Variants in EBF1 observed in about 807,000 individuals in gnomAD.
The protein encoded by EBF1 is transcription factor COE1.
In EBF1, 10 loss-of-function variants were observed where a neutral mutation model predicts 68.4. The observed-to-expected ratio is 0.15, with a 90% CI of 0.09 to 0.25. The LOEUF (loss-of-function observed/expected upper bound fraction) is 0.25, where lower values mean the gene tolerates loss of function less well. EBF1 is among the 10% of genes least tolerant of loss of function. The pLI is 1.00. For synonymous variants in EBF1, 298 were observed against 299.8 expected (o/e 0.99, Z 0.06); for missense variants, 509 against 794.4 (o/e 0.64, Z 4.32).
At chr5:158,727,196 C>A (rs747572670) in intron 11 of EBF1, among the ~76,000 whole-genome samples, 2 of 152,206 alleles carry the variant, frequency 1.3e-5, no homozygotes, top group Non-Finnish European at 2.9e-5. Flanking sequence ...TCACAGTAGG[C>A]ATGAAGTAAA....
intron 6 of EBF1, among the ~76,000 whole-genome samples, chr5:158,947,713 G>C (rs906811056): frequency 5.3e-5 from 8 of 152,200 alleles, no homozygotes; most frequent in Non-Finnish European, 7.3e-5. Context: ...GATTCAGGAG[G>C]AACACAGAGG....
At chr5:158,793,523 C>T (rs769160630) in intron 9 of EBF1, among the ~76,000 whole-genome samples, 3 of 152,106 alleles carry the variant, frequency 2.0e-5, no homozygotes, top group Admixed American at 6.5e-5. Flanking sequence ...ATTCTTCCCT[C>T]TCTCAAGATT....
At chr5:158,930,156 A>G (rs1001551974) in intron 6 of EBF1, among the ~76,000 whole-genome samples, 2 of 152,160 alleles carry the variant, frequency 1.3e-5, no homozygotes, top group Admixed American at 1.3e-4. Flanking sequence ...CAAGTTAGTC[A>G]GGTGTATCTG....
chr5:159,089,389 C>G (rs1290319505), intron 4 of EBF1, among the ~76,000 whole-genome samples: 1 of 152,078 alleles, frequency 6.6e-6, no homozygotes, highest in Non-Finnish European at 1.5e-5. Context: ...GCCTGAGTTG[C>G]CACTGTTTTG....
chr5:158,927,939 T>C (rs925358303), intron 6 of EBF1, among the ~76,000 whole-genome samples: 3 of 152,238 alleles, frequency 2.0e-5, no homozygotes, highest in African/African-American at 4.8e-5. Flanking sequence ...GCTAGAAATC[T>C]GCAGATCTAG....
intron 6 of EBF1, among the ~76,000 whole-genome samples, chr5:158,981,460 A>G (rs1757887586): frequency 6.6e-6 from 1 of 152,160 alleles, no homozygotes; most frequent in Non-Finnish European, 1.5e-5. Context: ...TACATTTTTC[A>G]TAAAATTGTG....
intron 11 of EBF1, 56 bp downstream of exon 11, chr5:158,731,009 GTTTT>G: frequency 2.0e-6 from 3 of 1,513,884 alleles, no homozygotes; most frequent in Non-Finnish European, 2.7e-6. Context: ...CAGCAGCAGA[GTTTT>G]CTGCAAATCG....
intron 6 of EBF1, among the ~76,000 whole-genome samples, chr5:159,060,563 C>T (rs1775590598): frequency 6.6e-6 from 1 of 152,058 alleles, no homozygotes; most frequent in African/African-American, 2.4e-5. Context: ...TTTTACGTGT[C>T]TTTTATCCTT....
chr5:158,945,812 G>A (rs1367079640), intron 6 of EBF1, among the ~76,000 whole-genome samples: 2 of 152,100 alleles, frequency 1.3e-5, no homozygotes, highest in Non-Finnish European at 2.9e-5. Flanking sequence ...TCACTTTCAG[G>A]TACACCAATC....
intron 6 of EBF1, among the ~76,000 whole-genome samples, chr5:159,009,813 T>C (rs1207098419): frequency 1.3e-5 from 2 of 151,416 alleles, no homozygotes; most frequent in Admixed American, 1.3e-4. Context: ...GATGATATAG[T>C]ACGTGATATT....
chr5:159,092,270 A>T (rs1781784950), intron 4 of EBF1, among the ~76,000 whole-genome samples: 1 of 152,232 alleles, frequency 6.6e-6, no homozygotes, highest in Admixed American at 6.5e-5. Context: ...ACACGAAAAC[A>T]AACTATTTTT....
At chr5:158,833,279 C>G (rs1787999920) in intron 7 of EBF1, among the ~76,000 whole-genome samples, 1 of 141,270 alleles carries the variant, frequency 7.1e-6, no homozygotes, top group Non-Finnish European at 1.5e-5. Flanking sequence ...AGCCTGGCAA[C>G]AGAGCCAGAC....
At chr5:158,827,828 C>A (rs1441732640) in intron 7 of EBF1, among the ~76,000 whole-genome samples, 6 of 152,158 alleles carry the variant, frequency 3.9e-5, no homozygotes, top group African/African-American at 1.4e-4. Flanking sequence ...TTAAGCATTT[C>A]TCCAACAAAC....
intron 6 of EBF1, among the ~76,000 whole-genome samples, chr5:158,929,476 A>G (rs1205207780): frequency 1.3e-5 from 2 of 152,218 alleles, no homozygotes; most frequent in Admixed American, 6.5e-5. Context: ...GTACTTCTGA[A>G]CAAACTATAT....
chr5:159,050,985 GC>G (rs1458903320), intron 6 of EBF1, among the ~76,000 whole-genome samples: 1 of 152,144 alleles, frequency 6.6e-6, no homozygotes. Context: ...TGAACACCAG[GC>G]CCCAGGGTTT....
At chr5:158,712,901 T>C in intron 13 of EBF1, 69 bp downstream of exon 13, 1 of 1,364,102 alleles carries the variant, frequency 7.3e-7, no homozygotes. Context: ...GTAAAAATTG[T>C]TCATGACCAA....
intron 6 of EBF1, among the ~76,000 whole-genome samples, chr5:158,880,878 G>A (rs1479013465): frequency 6.6e-6 from 1 of 152,158 alleles, no homozygotes; most frequent in Admixed American, 6.5e-5. Context: ...CTGGTCTTCT[G>A]ATTTTAAATC....
chr5:158,698,339 A>T lies in EBF1; in HGVS notation c.*772T>A, dbSNP rs940256621. On this transcript the variant is annotated 3_prime_UTR_variant, in exon 16 of 16. Coordinates refer to ENST00000313708, the MANE Select transcript of EBF1 (RefSeq NM_024007.5). ...GACTTAAGTAAAAGGAGAGAATGAGATCAGATTTAAATATGCAGTTTTAAC... is the reference window on the plus strand; with the variant it reads ...GACTTAAGTAAAAGGAGAGAATGAGTTCAGATTTAAATATGCAGTTTTAAC... The T allele has an allele frequency of 4.5e-6, 1 of 223,330 alleles. No homozygotes were observed. The highest frequency in any genetic ancestry group is 2.2e-5 in the African/African-American group (1 of 44,746). 13.8% of individuals were successfully genotyped at this position (223,330 alleles called of 1,614,324 possible).
intron 6 of EBF1, among the ~76,000 whole-genome samples, chr5:159,034,087 G>A (rs1273081401): frequency 6.6e-6 from 1 of 152,088 alleles, no homozygotes; most frequent in Non-Finnish European, 1.5e-5. Flanking sequence ...TTGACTCAAA[G>A]GACTAAAATT....
Sources: allele counts gnomAD v4.1 joint callset (sites outside exome capture counted in the v4.1 genomes callset), GRCh38; gene constraint gnomAD v4.1.1; transcripts MANE v1.5; gene names NCBI Gene and HGNC (gene_info 2026-07-23, HGNC 2026-07-21).